JADE2: variants seen among roughly 807,000 people sequenced by gnomAD.
JADE2 encodes E3 ubiquitin-protein ligase Jade-2.
In JADE2, 13 loss-of-function variants were observed where a neutral mutation model predicts 85.7. The observed-to-expected ratio is 0.15, with a 90% confidence interval of 0.10 to 0.24. The LOEUF (loss-of-function observed/expected upper bound fraction) is 0.24, where lower values mean the gene tolerates loss of function less well. Among genes scored for constraint, JADE2 ranks in the 10% least tolerant of loss-of-function variants. The pLI, the probability that JADE2 is intolerant of heterozygous loss-of-function variation, is 1.00. For missense variants in JADE2, 846 were observed against 1,115.9 expected (o/e 0.76, Z 3.45); for synonymous variants, 440 against 456.1 (o/e 0.96, Z 0.45).
chr5:134,553,739 G>A (rs2149943107), intron 4 of JADE2, among the ~76,000 whole-genome samples: 1 of 152,348 alleles, frequency 6.6e-6, no homozygotes, highest in East Asian at 1.9e-4. Flanking sequence ...TGTTCAGGAA[G>A]CCATTGCTAT....
In JADE2 at chr5:134,579,264, C is replaced by A. The variant is rs774874032; in HGVS notation, c.2452C>A (p.Pro818Thr). The change falls in exon 12 of 12, where the codon CCC becomes ACC. Residue 818 changes from proline to threonine, a missense_variant. This residue lies in a region of JADE2 where 300 missense variants were observed against 300.7 expected (regional missense o/e 1.00). Transcript: ENST00000681547. The surrounding 1 kb of genome is among the most constrained non-coding windows in gnomAD (Gnocchi z 4.6). The part of the protein sequence containing the change: ...EAEDGGVQRG[P>T]REAGAEEVVR... The stretch of plus-strand genomic sequence containing the variant: ...CGAGGACGGTGGGGTGCAGCGGGGT[C>A]CCCGGGAGGCAGGGGCAGAGGAGGT... The A allele has an allele frequency of 1.2e-6, 2 of 1,613,404 alleles. No homozygotes were observed. The highest frequency in any genetic ancestry group is 1.7e-6 in the Non-Finnish European group (2 of 1,179,906).
chr5:134,535,005 C>T (rs1336317615), intron 1 of JADE2, among the ~76,000 whole-genome samples: 3 of 152,204 alleles, frequency 2.0e-5, no homozygotes, highest in Admixed American at 6.5e-5. Context: ...GGGGATCAGA[C>T]CTCATGGATT....
chr5:134,560,054 G>A (rs780381856), intron 5 of JADE2, 64 bp downstream of exon 5: 83 of 1,579,726 alleles, frequency 5.3e-5, no homozygotes, highest in Non-Finnish European at 6.7e-5. Flanking sequence ...TCCCCATCCC[G>A]AGAGGGACAG....
intron 1 of JADE2, among the ~76,000 whole-genome samples, chr5:134,530,768 T>G (rs1179566730): frequency 6.6e-6 from 1 of 152,106 alleles, no homozygotes; most frequent in Non-Finnish European, 1.5e-5. Flanking sequence ...AAATAAAGCC[T>G]CCTGGAAAAT....
chr5:134,537,895 C>T, intron 2 of JADE2, 94 bp from the exon 3 acceptor site: 2 of 888,430 alleles, frequency 2.3e-6, no homozygotes, highest in Non-Finnish European at 3.7e-6. Flanking sequence ...AACATTCTAG[C>T]CGGGGCTTTG....
At chr5:134,532,845 G>A (rs1761331136) in intron 1 of JADE2, among the ~76,000 whole-genome samples, 1 of 152,202 alleles carries the variant, frequency 6.6e-6, no homozygotes, top group African/African-American at 2.4e-5. Flanking sequence ...GACAGTGGGA[G>A]CTCGCTGGAG....
intron 11 of JADE2, among the ~76,000 whole-genome samples, chr5:134,577,895 T>C (rs1397058317): frequency 1.3e-5 from 2 of 152,082 alleles, no homozygotes; most frequent in African/African-American, 4.8e-5. Context: ...CCCCTATTCG[T>C]ACCTGATCCC....
intron 2 of JADE2, among the ~76,000 whole-genome samples, chr5:134,536,988 C>T (rs958975596): frequency 1.3e-5 from 2 of 152,212 alleles, no homozygotes; most frequent in African/African-American, 4.8e-5. Context: ...GTCCTTTGGG[C>T]TCTGTTTGCT....
rs1764770904 is a variant in JADE2, at chr5:134,582,761, GGAT to G, written c.*3448_*3450del. The G allele has an allele frequency of 6.5e-6, 1 of 152,740 alleles. No homozygotes were observed. Among genetic ancestry groups the G allele is most frequent in the East Asian group, 1.9e-4 (1 of 5,178 alleles). The allele number at this position is 152,740 out of a possible 1,614,324, so 9.5% of individuals were successfully genotyped here. Reference sequence around the variant, plus strand: ...ACGTCAGTTTGAGGGGACGGTGGGGGGATGATATGAATGTCACAGGAGGAGACA... The same window carrying G: ...ACGTCAGTTTGAGGGGACGGTGGGGGGATATGAATGTCACAGGAGGAGACA... On this transcript the variant is annotated 3_prime_UTR_variant, in exon 12 of 12. Coordinates refer to ENST00000681547, the MANE Select transcript of JADE2 (RefSeq NM_001388185.1).
intron 4 of JADE2, among the ~76,000 whole-genome samples, 195 bp from the exon 5 acceptor site, chr5:134,559,635 A>G (rs1405332187): frequency 1.3e-5 from 2 of 152,158 alleles, no homozygotes; most frequent in African/African-American, 4.8e-5. Flanking sequence ...GTTCACCCAC[A>G]GTCATCTGAG....
intron 5 of JADE2, among the ~76,000 whole-genome samples, chr5:134,560,459 C>T (rs780133471): frequency 5.9e-5 from 9 of 152,210 alleles, no homozygotes; most frequent in Non-Finnish European, 2.9e-5. Context: ...GAGCTGGCCG[C>T]ATCCCAGAGA....
At chr5:134,537,434 ATAGT>A (rs1581401668) in intron 2 of JADE2, among the ~76,000 whole-genome samples, 2 of 152,120 alleles carry the variant, frequency 1.3e-5, no homozygotes, top group Non-Finnish European at 2.9e-5. Flanking sequence ...CCCTTTGAAG[ATAGT>A]TATTCTTTTG....
At chr5:134,537,655 G>A (rs955252845) in intron 2 of JADE2, among the ~76,000 whole-genome samples, 5 of 152,196 alleles carry the variant, frequency 3.3e-5, no homozygotes, top group African/African-American at 1.2e-4. Flanking sequence ...GGGGCAGGGT[G>A]GAGTGTGGGC....
In JADE2 at chr5:134,578,628, C is replaced by G. The variant is rs1764531126; in HGVS notation, c.1816C>G (p.Pro606Ala). Residue 606 changes from proline (P) to alanine (A), a missense_variant, in exon 12 of 12, where the codon CCA becomes GCA. Coordinates refer to ENST00000681547, the MANE Select transcript of JADE2 (RefSeq NM_001388185.1). This position sits in a 1 kb window ranked among gnomAD's most constrained non-coding sequence, Gnocchi z 4.4. The part of the protein sequence containing the change: ...LNNGHREDPA[P>A]GLLSEELLQD... ...CAATGGGCACCGCGAGGACCCTGCT[C>G]CAGGGCTGCTGTCAGAGGAACTGCT... The G allele has an allele frequency of 8.7e-6, 14 of 1,614,150 alleles. No homozygotes were observed. The highest frequency in any genetic ancestry group is 1.0e-5 in the Non-Finnish European group (12 of 1,180,040).
intron 3 of JADE2, among the ~76,000 whole-genome samples, chr5:134,541,561 G>T (rs1291507950): frequency 6.6e-6 from 1 of 152,210 alleles, no homozygotes; most frequent in East Asian, 1.9e-4. Context: ...TGTCAGGCTG[G>T]TCATGTGGTT....
chr5:134,551,616 A>G (rs1762596772), intron 3 of JADE2, among the ~76,000 whole-genome samples: 1 of 151,314 alleles, frequency 6.6e-6, no homozygotes, highest in African/African-American at 2.4e-5. Context: ...GGCCTCAAGC[A>G]GTTATCCCAC....
Position 134,573,717 on chromosome 5 carries a change from A to G in JADE2, c.1507A>G (p.Ile503Val), listed in dbSNP as rs1561764218. 1.2e-6 allele frequency: 2 copies of G among 1,613,770 alleles called. No homozygotes were observed. Among genetic ancestry groups the G allele is most frequent in the African/African-American group, 1.3e-5 (1 of 74,940 alleles). Residue 503 changes from isoleucine to valine, a missense_variant, in exon 10 of 12, where the codon ATA (isoleucine) becomes GTA (valine). Transcript: ENST00000681547. ...CGCCATCTGCAAACTCCAGGAGCAG[A>G]TATTCCACCTGCAGATGAAACTTAT... ...KHAICKLQEQ[I>V]FHLQMKLIEQ...
Position 134,578,923 on chromosome 5 carries a change from C to A in JADE2, c.2111C>A (p.Ala704Glu), listed in dbSNP as rs1403720764. 5 of 1,613,704 alleles carry A rather than the reference C, an allele frequency of 3.1e-6. No individual in the cohort carries two copies. The highest frequency in any genetic ancestry group is 4.2e-6 in the Non-Finnish European group (5 of 1,180,016). The change falls in exon 12 of 12, where the codon GCA (alanine) becomes GAA (glutamate). Residue 704 changes from alanine (A) to glutamate (E), a missense_variant. By Grantham distance (107) the Ala-to-Glu change is moderately radical. This residue lies in a region of JADE2 where 300 missense variants were observed against 300.7 expected (regional missense o/e 1.00). Transcript: ENST00000681547. The surrounding 1 kb of genome is among the most constrained non-coding windows in gnomAD (Gnocchi z 4.4). ...TCTTCTCACTTGCCGTCCAGCCCTGCAGCCGGGGACTGTCCCATCCTAGCC... is the reference window on the plus strand; with the variant it reads ...TCTTCTCACTTGCCGTCCAGCCCTGAAGCCGGGGACTGTCCCATCCTAGCC... ...RTSSHLPSSPAAGDCPILATP... is the reference protein window; with the variant it reads ...RTSSHLPSSPEAGDCPILATP...
At chr5:134,535,249 G>A (rs1376227684) in intron 1 of JADE2, among the ~76,000 whole-genome samples, 2 of 152,132 alleles carry the variant, frequency 1.3e-5, no homozygotes, top group Non-Finnish European at 2.9e-5. Context: ...GAGTAGGAGG[G>A]CAGGGTAGCC....
Sources: allele counts gnomAD v4.1 joint callset (sites outside exome capture counted in the v4.1 genomes callset), GRCh38; gene constraint gnomAD v4.1.1; regional missense constraint gnomAD v4.1.1; non-coding constraint Gnocchi (gnomAD v3.1); transcripts MANE v1.5; gene names NCBI Gene and HGNC (gene_info 2026-07-23, HGNC 2026-07-21).